Variants in ATRNL1 observed in about 807,000 individuals in gnomAD.
ATRNL1 encodes the protein attractin like 1, also known as attractin-like protein 1.
A neutral mutation model predicts 182.7 loss-of-function variants in ATRNL1; 95 were observed. That is an observed-to-expected ratio of 0.52 (90% CI 0.44 to 0.62). The LOEUF (loss-of-function observed/expected upper bound fraction) is 0.62. Among genes scored for constraint, ATRNL1 ranks in the 20% least tolerant of loss-of-function variants. The probability of loss-of-function intolerance (pLI) is 0.00; values close to 1 mark genes in which losing one functional copy is unlikely to be tolerated. For synonymous variants in ATRNL1, 576 were observed against 568.3 expected, an observed-to-expected ratio of 1.01 and a Z score of -0.19; for missense variants, 1,471 against 1,679.5, an observed-to-expected ratio of 0.88 and a Z score of 2.17.
chr10:115,667,661 T>C (rs1205263859), intron 26 of ATRNL1, among the ~76,000 whole-genome samples: 1 of 151,560 alleles, frequency 6.6e-6, no homozygotes, highest in African/African-American at 2.4e-5. Context: ...TCTTTTTTTT[T>C]TTTCCTCCTT....
chr10:115,312,821 A>T (rs1854102828), intron 17 of ATRNL1, among the ~76,000 whole-genome samples: 1 of 151,314 alleles, frequency 6.6e-6, no homozygotes, highest in East Asian at 1.9e-4. Context: ...TTTTTTCTTT[A>T]TTTTTGTTTG....
chr10:115,457,846 CTT>C (rs1297627747), intron 21 of ATRNL1, among the ~76,000 whole-genome samples: 1 of 152,070 alleles, frequency 6.6e-6, no homozygotes, highest in African/African-American at 2.4e-5. Context: ...CCTCTCCTCT[CTT>C]TGCAATTTTT....
At chr10:115,688,659 G>GT (rs199775439) in intron 26 of ATRNL1, among the ~76,000 whole-genome samples, 54 of 151,714 alleles carry the variant, frequency 3.6e-4, no homozygotes, top group East Asian at 2.5e-3. Flanking sequence ...TTTTAATGAG[G>GT]TTTTTTTTGA....
intron 19 of ATRNL1, among the ~76,000 whole-genome samples, chr10:115,393,355 G>A (rs552006520): frequency 3.6e-4 from 55 of 152,150 alleles, no homozygotes; most frequent in African/African-American, 1.3e-3. Flanking sequence ...GGTTACATTT[G>A]TTTGCATTTA....
intron 8 of ATRNL1, among the ~76,000 whole-genome samples, chr10:115,172,199 T>C (rs1554885792): frequency 6.6e-6 from 1 of 152,006 alleles, no homozygotes; most frequent in African/African-American, 2.4e-5. Context: ...GTTTACATAT[T>C]CTCAGTACAG....
At chr10:115,915,443 C>A (rs1952821214) in intron 28 of ATRNL1, among the ~76,000 whole-genome samples, 1 of 151,768 alleles carries the variant, frequency 6.6e-6, no homozygotes. Context: ...AAGCCAAGTG[C>A]TAAGGATATA....
intron 28 of ATRNL1, among the ~76,000 whole-genome samples, chr10:115,885,480 C>T (rs1951921637): frequency 6.6e-6 from 1 of 152,142 alleles, no homozygotes; most frequent in East Asian, 1.9e-4. Flanking sequence ...CTATGAAATC[C>T]AGTAGTTTTT....
intron 21 of ATRNL1, among the ~76,000 whole-genome samples, chr10:115,454,306 T>TC (rs1302532662): frequency 1.3e-5 from 2 of 152,140 alleles, no homozygotes; most frequent in East Asian, 3.9e-4. Context: ...ATTATAGCCT[T>TC]GTAATATATT....
At chr10:115,162,663 A>G (rs1293176829) in intron 6 of ATRNL1, among the ~76,000 whole-genome samples, 1 of 149,730 alleles carries the variant, frequency 6.7e-6, no homozygotes, top group Non-Finnish European at 1.5e-5. Context: ...GATTTGAGTT[A>G]AGATGAAATT....
intron 5 of ATRNL1, among the ~76,000 whole-genome samples, chr10:115,154,237 A>C (rs990465727): frequency 2.6e-5 from 4 of 151,530 alleles, no homozygotes; most frequent in African/African-American, 9.7e-5. Context: ...CGCTTGGTGC[A>C]GAGCTGAGTT....
At chr10:115,486,525 G>A (rs1249576475) in intron 24 of ATRNL1, among the ~76,000 whole-genome samples, 1 of 151,696 alleles carries the variant, frequency 6.6e-6, no homozygotes, top group Non-Finnish European at 1.5e-5. Context: ...TCATATTTTT[G>A]TTGGCCACAG....
rs1555075254 is a variant in ATRNL1, at chr10:115,767,106, CGA to C, written c.3903+39755_3903+39756del. Among the ~76,000 whole-genome samples, 5 of 152,086 alleles carry C rather than the reference CGA, an allele frequency of 3.3e-5. 1 individual carries two copies. In the South Asian group the frequency reaches 6.2e-4, roughly 19 times the overall value. ...CTTTATCTCATGACTCACAGTGTCC[CGA>C]GAGTTTTTCTCTTCTCAGTGCTTCT... is the stretch of plus-strand genomic sequence containing the variant. On this transcript the variant is annotated intron_variant, in intron 27 of 28. Transcript: ENST00000355044.
intron 26 of ATRNL1, among the ~76,000 whole-genome samples, chr10:115,658,505 A>G (rs561008893): frequency 7.9e-5 from 12 of 152,020 alleles, no homozygotes; most frequent in African/African-American, 2.7e-4. Context: ...GGAGGTTTCA[A>G]CCTTTTTTAG....
intron 21 of ATRNL1, among the ~76,000 whole-genome samples, chr10:115,456,415 A>G (rs781905177): frequency 6.6e-6 from 1 of 152,140 alleles, no homozygotes; most frequent in Admixed American, 6.6e-5. Context: ...GTTCTCACTC[A>G]TAAGTGGGAG....
intron 21 of ATRNL1, among the ~76,000 whole-genome samples, chr10:115,435,170 C>T (rs1846346710): frequency 6.6e-6 from 1 of 151,974 alleles, no homozygotes; most frequent in African/African-American, 2.4e-5. Flanking sequence ...CACCCACCAC[C>T]ATGCCTGGCT....
intron 26 of ATRNL1, among the ~76,000 whole-genome samples, chr10:115,713,397 T>C (rs1185013060): frequency 6.6e-6 from 1 of 150,936 alleles, no homozygotes; most frequent in Non-Finnish European, 1.5e-5. Flanking sequence ...TATTAGATGA[T>C]AGAGAATAAT....
At chr10:115,120,969 G>T (rs1001264714) in intron 2 of ATRNL1, among the ~76,000 whole-genome samples, 1 of 152,070 alleles carries the variant, frequency 6.6e-6, no homozygotes, top group African/African-American at 2.4e-5. Context: ...AATAAGAATA[G>T]TGGCTTCTTG....
chr10:115,350,516 C>A (rs1856197403), intron 19 of ATRNL1, among the ~76,000 whole-genome samples: 1 of 151,814 alleles, frequency 6.6e-6, no homozygotes, highest in Admixed American at 6.6e-5. Context: ...TTCTGAGCAC[C>A]ATTTATTGAG....
At chr10:115,809,320 C>T (rs80206939) in intron 27 of ATRNL1, among the ~76,000 whole-genome samples, 1 of 10 alleles carries the variant, frequency 0.1, no homozygotes, top group Non-Finnish European at 0.12. Flanking sequence ...CTCTGCATTT[C>T]CCGTATAAAT....
Sources: allele counts gnomAD v4.1 joint callset (sites outside exome capture counted in the v4.1 genomes callset), GRCh38; gene constraint gnomAD v4.1.1; transcripts MANE v1.5; gene names NCBI Gene and HGNC (gene_info 2026-07-23, HGNC 2026-07-21).